ASCC3: variants seen among roughly 807,000 people sequenced by gnomAD.
The protein encoded by ASCC3 is ASC-1 complex subunit P200.
In ASCC3, 158 loss-of-function variants were observed where a neutral mutation model predicts 256.3. The observed-to-expected ratio is 0.62, with a 90% CI of 0.54 to 0.70. The LOEUF is 0.70. Ranked by LOEUF, ASCC3 falls within the 30% of genes least tolerant of loss-of-function variation. The pLI is 0.00. For missense variants in ASCC3, 2,259 were observed against 2,626.0 expected, an observed-to-expected ratio of 0.86 and a Z score of 3.05; for synonymous variants, 948 against 883.4, an observed-to-expected ratio of 1.07 and a Z score of -1.30.
intron 26 of ASCC3, 114 bp downstream of exon 26, chr6:100,631,014 A>G: frequency 1.3e-6 from 1 of 749,260 alleles, no homozygotes; most frequent in South Asian, 1.7e-5. Context: ...TCAGCAGTTA[A>G]ATAAAAGACT....
At chr6:100,565,052 A>C (rs1770161315) in intron 36 of ASCC3, among the ~76,000 whole-genome samples, 1 of 152,206 alleles carries the variant, frequency 6.6e-6, no homozygotes, top group Non-Finnish European at 1.5e-5. Context: ...ATATTTGCCT[A>C]ATTATTCAGG....
At position 100,645,045 on chromosome 6, in the gene ASCC3, C is replaced by A. The variant is rs528784712; in HGVS notation, c.3634-916G>T. 3.9e-5 allele frequency among the ~76,000 whole-genome samples: 6 copies of A among 152,242 alleles called. No individual in the cohort carries two copies. In the South Asian group the frequency reaches 1.0e-3, roughly 26 times the overall value. On this transcript the variant is annotated intron_variant, in intron 22 of 41. Transcript: ENST00000369162. ...TAATATACTTTCGTCCTTAACTCAG[C>A]TTGAGGCAAGTCAAGTTTTCCATTC...
At chr6:100,829,443 TCATTGCCCAGGGCTGG>T (rs1771505945) in intron 4 of ASCC3, among the ~76,000 whole-genome samples, 1 of 151,714 alleles carries the variant, frequency 6.6e-6, no homozygotes, top group Admixed American at 6.6e-5. Flanking sequence ...GCTAAGCCCC[TCATTGCCCAGGGCTGG>T]CGGGGCTCGC....
intron 8 of ASCC3, among the ~76,000 whole-genome samples, 183 bp from the exon 9 acceptor site, chr6:100,767,528 T>A (rs936350116): frequency 2.0e-5 from 3 of 152,218 alleles, no homozygotes; most frequent in African/African-American, 7.2e-5. Context: ...TATTGTACAA[T>A]TCAAGTATAC....
chr6:100,740,724 G>A (rs1780395390), intron 10 of ASCC3, among the ~76,000 whole-genome samples: 1 of 152,118 alleles, frequency 6.6e-6, no homozygotes, highest in South Asian at 2.1e-4. Context: ...CAGAAACTAG[G>A]AATGGCAACC....
intron 37 of ASCC3, among the ~76,000 whole-genome samples, chr6:100,521,299 T>C (rs999596035): frequency 1.3e-5 from 2 of 152,150 alleles, no homozygotes; most frequent in African/African-American, 4.8e-5. Context: ...AAGTGCTTCC[T>C]TTAAGTGAAA....
chr6:100,735,322 T>G (rs1000332730), intron 10 of ASCC3, among the ~76,000 whole-genome samples: 1 of 152,198 alleles, frequency 6.6e-6, no homozygotes. Flanking sequence ...ATTTGCAAGG[T>G]TGAGAGCTGA....
rs534393950 is a variant in ASCC3 at position 100,588,377 on chromosome 6, A to T, written c.5550+1257T>A. 2.6e-5 allele frequency among the ~76,000 whole-genome samples: 4 copies of T among 152,244 alleles called. No homozygotes were observed. The East Asian group carries it at 5.8e-4, about 22-fold the overall frequency. ...GATACTAATTTAAGAGGCATGCCCA[A>T]ATTAACCATTATTTTGCTGCCTGTG... On this transcript the variant is annotated intron_variant, in intron 36 of 41. Coordinates refer to ENST00000369162, the MANE Select transcript of ASCC3 (RefSeq NM_006828.4).
At chr6:100,785,915 A>T (rs1769051306) in intron 8 of ASCC3, among the ~76,000 whole-genome samples, 1 of 152,182 alleles carries the variant, frequency 6.6e-6, no homozygotes, top group African/African-American at 2.4e-5. Context: ...AACACAGGAG[A>T]GAAAAAACAA....
At chr6:100,703,897 A>C (rs1318981711) in intron 13 of ASCC3, among the ~76,000 whole-genome samples, 1 of 151,778 alleles carries the variant, frequency 6.6e-6, no homozygotes, top group Non-Finnish European at 1.5e-5. Flanking sequence ...GAAAAAGTAC[A>C]TCAAGTATCA....
chr6:100,563,272 C>T (rs1378729365), intron 36 of ASCC3, among the ~76,000 whole-genome samples: 1 of 152,008 alleles, frequency 6.6e-6, no homozygotes. Flanking sequence ...GTGCTTCTTC[C>T]CATCTTCCCG....
intron 4 of ASCC3, among the ~76,000 whole-genome samples, chr6:100,846,938 C>A (rs1772413742): frequency 6.6e-6 from 1 of 152,096 alleles, no homozygotes; most frequent in Non-Finnish European, 1.5e-5. Context: ...CTATCTTATT[C>A]ATCCTTTTAT....
intron 30 of ASCC3, among the ~76,000 whole-genome samples, 169 bp from the exon 31 acceptor site, chr6:100,607,257 A>G (rs184713360): frequency 1.3e-5 from 2 of 152,254 alleles, no homozygotes; most frequent in Non-Finnish European, 2.9e-5. Context: ...AAGAATATCT[A>G]CTTGGTGAGA....
intron 10 of ASCC3, among the ~76,000 whole-genome samples, chr6:100,759,106 A>G (rs1781318905): frequency 6.6e-6 from 1 of 151,964 alleles, no homozygotes; most frequent in Non-Finnish European, 1.5e-5. Flanking sequence ...TCTTGTAAAT[A>G]TGTTTAAGTT....
chr6:100,829,615 T>C (rs1177294565), intron 4 of ASCC3, among the ~76,000 whole-genome samples: 1 of 152,112 alleles, frequency 6.6e-6, no homozygotes, highest in Non-Finnish European at 1.5e-5. Flanking sequence ...GCTCCGGCCT[T>C]GGCCAGCCCA....
At chr6:100,628,647 T>C (rs1239810384) in intron 27 of ASCC3, among the ~76,000 whole-genome samples, 1 of 152,120 alleles carries the variant, frequency 6.6e-6, no homozygotes, top group Non-Finnish European at 1.5e-5. Context: ...CCTTCAGTCA[T>C]GATTGAAAGC....
chr6:100,784,572 T>C (rs1338969586), intron 8 of ASCC3, among the ~76,000 whole-genome samples: 4 of 152,018 alleles, frequency 2.6e-5, no homozygotes, highest in Non-Finnish European at 5.9e-5. Context: ...AATGAAGACA[T>C]ATTTGCTTAT....
rs115221379 is a variant in ASCC3, at chr6:100,652,663, A to G, written c.2988+62T>C. ...GCTTTCATTATTTTACATTAATAAT[A>G]TATTTTGAAGTCTAGAAAGTATTTG... On this transcript the variant is annotated intron_variant, in intron 18 of 41. Coordinates refer to ENST00000369162, the MANE Select transcript of ASCC3 (RefSeq NM_006828.4). The G allele has an allele frequency of 2.9e-3, 4,315 of 1,483,806 alleles. 96 individuals carry two copies. The African/African-American group carries it at 0.052, about 18-fold the overall frequency. 91.9% of individuals were successfully genotyped at this position (1,483,806 alleles called of 1,614,324 possible).
chr6:100,647,190 A>G, intron 21 of ASCC3, 36 bp downstream of exon 21: 1 of 1,537,960 alleles, frequency 6.5e-7, no homozygotes, highest in Non-Finnish European at 9.0e-7. Flanking sequence ...TATTTGCACA[A>G]AACAATACAT....
Sources: gnomAD v4.1 joint callset for allele counts (sites outside exome capture counted in the v4.1 genomes callset) on GRCh38, gnomAD v4.1.1 for gene constraint, MANE v1.5 for transcripts, NCBI Gene and HGNC (gene_info 2026-07-23, HGNC 2026-07-21) for gene names.